MRPL13: variants seen among roughly 807,000 people sequenced by gnomAD.
The protein encoded by MRPL13 is large ribosomal subunit protein uL13m.
A neutral mutation model predicts 29.0 loss-of-function variants in MRPL13; 33 were observed. That is an observed-to-expected ratio of 1.14 (90% confidence interval 0.86 to 1.52). The LOEUF (loss-of-function observed/expected upper bound fraction) is 1.52, where lower values mean the gene tolerates loss of function less well. MRPL13 is among the 40% of genes most tolerant of loss of function. MRPL13 has a pLI of 0.00. For missense variants in MRPL13, 227 were observed against 216.7 expected (o/e 1.05, Z -0.30); for synonymous variants, 77 against 68.4 (o/e 1.13, Z -0.62).
At chr8:120,436,038 C>T (rs527305771) in intron 2 of MRPL13, among the ~76,000 whole-genome samples, 7 of 151,970 alleles carry the variant, frequency 4.6e-5, no homozygotes, top group Non-Finnish European at 7.4e-5. Context: ...CAATCTTATG[C>T]TCTAGTTGAA....
intron 2 of MRPL13, among the ~76,000 whole-genome samples, chr8:120,437,801 T>G (rs1813072547): frequency 6.6e-6 from 1 of 152,202 alleles, no homozygotes; most frequent in African/African-American, 2.4e-5. Context: ...CATTATTTGT[T>G]AATTTTTACA....
rs1812518987 is a variant in MRPL13, at chr8:120,396,047, A to G, written c.*57T>C. The stretch of plus-strand genomic sequence containing the variant: ...TTACTCCATCCTGTAGGTTAGAGAA[A>G]CTCATCAGAAGAAAGTTTCAATCAC... On this transcript the variant is annotated 3_prime_UTR_variant, in exon 7 of 7. Transcript: ENST00000306185. 6.9e-7 allele frequency: 1 copy of G among 1,445,756 alleles called. No homozygotes were observed. Among genetic ancestry groups the G allele is most frequent in the African/African-American group, 1.4e-5 (1 of 71,368 alleles). 89.6% of individuals were successfully genotyped at this position (1,445,756 alleles called of 1,614,324 possible). A position where few individuals can be genotyped will look rare whatever the true frequency, so the allele number is the denominator to read the frequency against.
rs762375563 is a variant in MRPL13, at chr8:120,443,311, TGG to T, written c.28-5_28-4del. 8 of 1,463,206 alleles carry T rather than the reference TGG, an allele frequency of 5.5e-6. No homozygotes were observed. Among genetic ancestry groups the T allele is most frequent in the South Asian group, 2.6e-5 (2 of 77,596 alleles). 90.6% of individuals were successfully genotyped at this position (1,463,206 alleles called of 1,614,324 possible). ...ATTCTAGCAAAAGTGGCCCATTGCT[TGG>T]GGGGGAAAAAAAAAAAAAAGAAGAG... On this transcript the variant is annotated splice_region_variant and splice_polypyrimidine_tract_variant and intron_variant, in intron 1 of 6. Coordinates refer to ENST00000306185, the MANE Select transcript of MRPL13 (RefSeq NM_014078.6).
At chr8:120,413,127 A>T (rs1408085106) in intron 6 of MRPL13, among the ~76,000 whole-genome samples, 1 of 152,174 alleles carries the variant, frequency 6.6e-6, no homozygotes, top group Non-Finnish European at 1.5e-5. Context: ...GAAAAAAATG[A>T]AAAGTGGTCT....
At chr8:120,417,036 G>GTT (rs1393401979) in intron 5 of MRPL13, among the ~76,000 whole-genome samples, 1 of 152,090 alleles carries the variant, frequency 6.6e-6, no homozygotes, top group African/African-American at 2.4e-5. Flanking sequence ...TCCTTTTATC[G>GTT]TAAGTTTCCT....
intron 6 of MRPL13, among the ~76,000 whole-genome samples, chr8:120,407,299 T>A (rs1276059424): frequency 6.6e-6 from 1 of 152,196 alleles, no homozygotes; most frequent in African/African-American, 2.4e-5. Context: ...TAGGAAAAAT[T>A]TACTTGGTTG....
At chr8:120,434,975 C>T (rs1038505171) in intron 2 of MRPL13, among the ~76,000 whole-genome samples, 7 of 152,152 alleles carry the variant, frequency 4.6e-5, no homozygotes, top group Non-Finnish European at 1.0e-4. Flanking sequence ...TAAGTGTTTA[C>T]AAAAATCCCT....
intron 6 of MRPL13, among the ~76,000 whole-genome samples, chr8:120,406,246 T>A (rs1265455372): frequency 3.3e-5 from 5 of 152,222 alleles, no homozygotes; most frequent in Non-Finnish European, 7.3e-5. Flanking sequence ...TTTAGACATG[T>A]AATACAAAGT....
At chr8:120,437,457 T>C (rs1307418940) in intron 2 of MRPL13, among the ~76,000 whole-genome samples, 1 of 152,220 alleles carries the variant, frequency 6.6e-6, no homozygotes, top group Non-Finnish European at 1.5e-5. Flanking sequence ...TAAATACTCC[T>C]ATAGTCCTCC....
At chr8:120,401,320 C>T (rs1400116759) in intron 6 of MRPL13, among the ~76,000 whole-genome samples, 1 of 152,182 alleles carries the variant, frequency 6.6e-6, no homozygotes, top group Non-Finnish European at 1.5e-5. Flanking sequence ...AAGTCAGGTT[C>T]ATCCCCAGGA....
chr8:120,431,195 A>G (rs1036587873), intron 3 of MRPL13, among the ~76,000 whole-genome samples: 5 of 152,196 alleles, frequency 3.3e-5, no homozygotes, highest in Non-Finnish European at 7.3e-5. Context: ...TCAAAGGCGA[A>G]GATGCAGTTG....
At chr8:120,428,908 G>A (rs1013936733) in intron 3 of MRPL13, among the ~76,000 whole-genome samples, 12 of 151,762 alleles carry the variant, frequency 7.9e-5, no homozygotes, top group Admixed American at 7.2e-4. Context: ...GTTGGTGGGA[G>A]TGTTCAACCA....
intron 4 of MRPL13, among the ~76,000 whole-genome samples, chr8:120,424,514 C>G (rs1209118725): frequency 1.3e-5 from 2 of 151,876 alleles, no homozygotes; most frequent in Admixed American, 1.3e-4. Context: ...GCCTGTAATC[C>G]CAGCACTTGG....
intron 3 of MRPL13, 146 bp downstream of exon 3, chr8:120,431,884 T>C: frequency 3.8e-6 from 2 of 524,588 alleles, no homozygotes; most frequent in East Asian, 6.8e-5. Context: ...TTTTAAAAAT[T>C]GAGTAAATTA....
chr8:120,416,291 G>A (rs1170682978), intron 5 of MRPL13, among the ~76,000 whole-genome samples: 3 of 152,148 alleles, frequency 2.0e-5, no homozygotes, highest in African/African-American at 4.8e-5. Flanking sequence ...TCAGGAGATC[G>A]AGACCATCCT....
chr8:120,429,898 T>C (rs1285423982), intron 3 of MRPL13, among the ~76,000 whole-genome samples: 2 of 152,232 alleles, frequency 1.3e-5, no homozygotes, highest in Non-Finnish European at 2.9e-5. Context: ...ATAGTTGTTA[T>C]ACTATATTGT....
chr8:120,435,955 T>C (rs2130483344), intron 2 of MRPL13, among the ~76,000 whole-genome samples: 1 of 152,270 alleles, frequency 6.6e-6, no homozygotes, highest in East Asian at 1.9e-4. Context: ...GTATGTCCTT[T>C]GCCCACTTTT....
chr8:120,416,305 T>C (rs982329746), intron 5 of MRPL13, among the ~76,000 whole-genome samples: 2 of 151,976 alleles, frequency 1.3e-5, no homozygotes, highest in Admixed American at 1.3e-4. Flanking sequence ...CCATCCTGGC[T>C]AACACGGTGA....
At chr8:120,408,827 CAT>C (rs1278609638) in intron 6 of MRPL13, among the ~76,000 whole-genome samples, 1 of 152,158 alleles carries the variant, frequency 6.6e-6, no homozygotes, top group Non-Finnish European at 1.5e-5. Flanking sequence ...TAACAGCTTT[CAT>C]ATCAGAGAAT....
Sources: allele counts gnomAD v4.1 joint callset (sites outside exome capture counted in the v4.1 genomes callset), GRCh38; gene constraint gnomAD v4.1.1; transcripts MANE v1.5; gene names NCBI Gene and HGNC (gene_info 2026-07-23, HGNC 2026-07-21).